Variants in NR5A2 observed in about 807,000 individuals in gnomAD.
The protein encoded by NR5A2 is CYP7A promoter-binding factor.
Under a neutral mutation model 62.7 loss-of-function variants are expected in NR5A2, and 26 were observed. That is an observed-to-expected ratio of 0.41 (90% CI 0.30 to 0.58). The LOEUF (loss-of-function observed/expected upper bound fraction) is 0.58, where lower values mean the gene tolerates loss of function less well. NR5A2 is among the 20% of genes least tolerant of loss of function. NR5A2 has a pLI of 0.22. For synonymous variants in NR5A2, 246 were observed against 241.7 expected (o/e 1.02, Z -0.16); for missense variants, 541 against 669.1 (o/e 0.81, Z 2.11).
chr1:200,164,670 C>T lies in NR5A2; in HGVS notation c.1379-9293C>T, dbSNP rs1431959960. Among the ~76,000 whole-genome samples, 8 of 151,200 alleles carry T rather than the reference C, an allele frequency of 5.3e-5. 1 individual carries two copies. In the East Asian group the frequency reaches 1.6e-3, roughly 29 times the overall value. ...TCAAGTGATTCTCCTGTCTCAGCCT[C>T]CTGAGTAGCTGGGATTACAGGTGCC... On this transcript the variant is annotated intron_variant, in intron 7 of 7. Coordinates refer to ENST00000367362, the MANE Select transcript of NR5A2 (RefSeq NM_205860.3).
At chr1:200,139,027 C>T (rs1160400196) in intron 7 of NR5A2, among the ~76,000 whole-genome samples, 3 of 152,142 alleles carry the variant, frequency 2.0e-5, no homozygotes, top group African/African-American at 7.2e-5. Flanking sequence ...TTGAGACTTT[C>T]CCGTTCATGA....
At chr1:200,120,355 TGA>T (rs1666426604) in intron 6 of NR5A2, among the ~76,000 whole-genome samples, 1 of 152,232 alleles carries the variant, frequency 6.6e-6, no homozygotes, top group South Asian at 2.1e-4. Flanking sequence ...ACCTTATTCA[TGA>T]GAGTTAAAAT....
At chr1:200,042,875 G>T in intron 2 of NR5A2, 1 of 985,536 alleles carries the variant, frequency 1.0e-6, no homozygotes, top group Non-Finnish European at 1.2e-6. Context: ...GTCTGCGTCC[G>T]GAGCAAGGCG....
At chr1:200,143,837 C>T (rs1667552314) in intron 7 of NR5A2, among the ~76,000 whole-genome samples, 1 of 151,794 alleles carries the variant, frequency 6.6e-6, no homozygotes, top group Non-Finnish European at 1.5e-5. Context: ...AGACAGTTTT[C>T]ACCATGTTGG....
intron 7 of NR5A2, among the ~76,000 whole-genome samples, chr1:200,157,334 T>C (rs1214405461): frequency 1.3e-5 from 2 of 152,186 alleles, no homozygotes; most frequent in African/African-American, 4.8e-5. Context: ...CAAACAATTT[T>C]CCCCACTTGA....
At chr1:200,125,976 G>A (rs1444255656) in intron 7 of NR5A2, among the ~76,000 whole-genome samples, 2 of 152,006 alleles carry the variant, frequency 1.3e-5, no homozygotes, top group East Asian at 1.9e-4. Flanking sequence ...AGCCTCCTGA[G>A]TAGCTGGGGC....
In NR5A2 at chr1:200,167,763, CT is replaced by C. The variant is rs1241829065; in HGVS notation, c.1379-6199del. Among the ~76,000 whole-genome samples, 12 of 152,176 alleles carry C rather than the reference CT, an allele frequency of 7.9e-5. No individual in the cohort carries two copies. The South Asian group carries it at 2.1e-3, about 26-fold the overall frequency. ...AGCTGTTTAACAGTGTACCAAAGAC[CT>C]CTCTGTTCTTTCCTTCTCTAGGGTT... On this transcript the variant is annotated intron_variant, in intron 7 of 7. Transcript: ENST00000367362.
chr1:200,064,478 C>G (rs115500617), intron 5 of NR5A2, among the ~76,000 whole-genome samples: 222 of 152,302 alleles, frequency 1.5e-3, no homozygotes, highest in African/African-American at 5.2e-3. Context: ...CATAGCACTT[C>G]TTGGAAACTT....
intron 7 of NR5A2, among the ~76,000 whole-genome samples, chr1:200,164,845 G>A (rs1311790247): frequency 1.4e-5 from 2 of 147,048 alleles, no homozygotes; most frequent in Non-Finnish European, 3.0e-5. Context: ...ACCGCACCTG[G>A]CCAACTTTAT....
chr1:200,093,199 C>T (rs908780299), intron 5 of NR5A2, among the ~76,000 whole-genome samples: 3 of 152,124 alleles, frequency 2.0e-5, no homozygotes, highest in East Asian at 1.9e-4. Flanking sequence ...CCACCACACC[C>T]GGCCAACATA....
chr1:200,048,091 A>G lies in NR5A2; in HGVS notation c.464-81A>G, dbSNP rs1662456973. The stretch of plus-strand genomic sequence containing the variant: ...CACATACCACTTCTTGTCGATTTAC[A>G]TTTCTAAATATCTGAAGAATGCTAA... On this transcript the variant is annotated intron_variant, in intron 4 of 7. Coordinates refer to ENST00000367362, the MANE Select transcript of NR5A2 (RefSeq NM_205860.3). This position sits in a 1 kb window ranked among gnomAD's most constrained non-coding sequence, Gnocchi z 4.8. 3 of 1,331,014 alleles carry G rather than the reference A, an allele frequency of 2.3e-6. No individual in the cohort carries two copies. The highest frequency in any genetic ancestry group is 4.5e-5 in the Admixed American group (2 of 44,030). 82.5% of individuals were successfully genotyped at this position (1,331,014 alleles called of 1,614,324 possible). A position where few individuals can be genotyped will look rare whatever the true frequency, so the allele number is the denominator to read the frequency against.
intron 5 of NR5A2, among the ~76,000 whole-genome samples, chr1:200,075,593 C>T (rs1327941553): frequency 3.3e-5 from 5 of 152,208 alleles, no homozygotes; most frequent in Admixed American, 6.5e-5. Flanking sequence ...TAATCTGTTG[C>T]GTGCACTTGA....
Position 200,048,625 on chromosome 1 carries a change from T to G in NR5A2, c.917T>G (p.Leu306Arg). 1 of 1,614,202 alleles carries G rather than the reference T, an allele frequency of 6.2e-7. No individual in the cohort carries two copies. The highest frequency in any genetic ancestry group is 8.5e-7 in the Non-Finnish European group (1 of 1,180,036). ...CCAGCAAGCATCCCACATCTGATAC[T>G]GGAACTTTTGAAGTGTGAGCCAGAT... ...SSPASIPHLI[L>R]ELLKCEPDEP... Residue 306 changes from leucine to arginine, a missense_variant, in exon 5 of 8, where the codon CTG becomes CGG. Physicochemically the swap from Leu to Arg is moderately radical, Grantham distance 102. Coordinates refer to ENST00000367362, the MANE Select transcript of NR5A2 (RefSeq NM_205860.3). The surrounding 1 kb of genome is among the most constrained non-coding windows in gnomAD (Gnocchi z 4.8).
intron 5 of NR5A2, among the ~76,000 whole-genome samples, chr1:200,052,828 G>A (rs970197712): frequency 1.3e-5 from 2 of 152,050 alleles, no homozygotes; most frequent in African/African-American, 4.8e-5. Flanking sequence ...TTTTAGTAGA[G>A]ACGGTGTTTC....
At chr1:200,053,492 G>C (rs1262589950) in intron 5 of NR5A2, among the ~76,000 whole-genome samples, 1 of 151,608 alleles carries the variant, frequency 6.6e-6, no homozygotes, top group Non-Finnish European at 1.5e-5. Context: ...CTGAATGGCA[G>C]AACTGGGACT....
chr1:200,139,082 C>T (rs765440934), intron 7 of NR5A2, among the ~76,000 whole-genome samples: 3 of 152,130 alleles, frequency 2.0e-5, no homozygotes, highest in Non-Finnish European at 2.9e-5. Flanking sequence ...TGATGTCCTT[C>T]AATAAAGTCA....
At chr1:200,139,907 C>T (rs1667375145) in intron 7 of NR5A2, among the ~76,000 whole-genome samples, 1 of 152,156 alleles carries the variant, frequency 6.6e-6, no homozygotes, top group South Asian at 2.1e-4. Context: ...ACACCAGTAG[C>T]CCTGTCTGGT....
At chr1:200,063,455 G>T (rs1375612402) in intron 5 of NR5A2, among the ~76,000 whole-genome samples, 2 of 152,150 alleles carry the variant, frequency 1.3e-5, no homozygotes, top group Non-Finnish European at 2.9e-5. Context: ...ACCCCGCCCG[G>T]CCTAAAAGCA....
intron 5 of NR5A2, among the ~76,000 whole-genome samples, chr1:200,100,354 G>C (rs982270566): frequency 1.3e-5 from 2 of 151,868 alleles, no homozygotes; most frequent in Non-Finnish European, 2.9e-5. Context: ...TTCAGTTTAA[G>C]TATTTTTAAC....
Sources: gnomAD v4.1 joint callset for allele counts (sites outside exome capture counted in the v4.1 genomes callset) on GRCh38, gnomAD v4.1.1 for gene constraint, Gnocchi (gnomAD v3.1) non-coding constraint, MANE v1.5 for transcripts, NCBI Gene and HGNC (gene_info 2026-07-23, HGNC 2026-07-21) for gene names.